The following TENM2 variants were observed in gnomAD, a reference collection of about 807,000 sequenced individuals.
TENM2 encodes the protein teneurin transmembrane protein 2.
A neutral mutation model predicts 245.2 loss-of-function variants in TENM2; 52 were observed. The ratio of observed to expected loss-of-function variants is 0.21; its 90% CI spans 0.17 to 0.27. TENM2 has a LOEUF of 0.27. Ranked by LOEUF, TENM2 falls within the 10% of genes least tolerant of loss-of-function variation. TENM2 has a pLI of 1.00. For missense variants in TENM2, 3,046 were observed against 3,666.8 expected, an observed-to-expected ratio of 0.83 and a Z score of 4.37; for synonymous variants, 1,363 against 1,438.9, an observed-to-expected ratio of 0.95 and a Z score of 1.19.
the TENM2 span, among the ~76,000 whole-genome samples, chr5:167,151,332 G>T: frequency 6.6e-6 from 1 of 152,074 alleles, no homozygotes; most frequent in Non-Finnish European, 1.5e-5. Flanking sequence ...GACATACCAA[G>T]AGAGAAATCA....
chr5:167,280,754 C>CTGTA (rs1770999408), upstream of TENM2, among the ~76,000 whole-genome samples: 2 of 131,134 alleles, frequency 1.5e-5, no homozygotes, highest in Non-Finnish European at 3.2e-5. Context: ...GTCTATCTGT[C>CTGTA]TGTCTATCTA....
At chr5:167,457,362 C>T (rs560955057) in intron 2 of TENM2, among the ~76,000 whole-genome samples, 1 of 143,022 alleles carries the variant, frequency 7.0e-6, no homozygotes, top group Admixed American at 7.1e-5. Flanking sequence ...TAGACAGTTT[C>T]GCTCTTGTTG....
Position 168,181,254 on chromosome 5 carries a change from G to A in TENM2, c.2570-9083G>A, listed in dbSNP as rs540897324. The stretch of plus-strand genomic sequence containing the variant: ...TGTTTTTGGTTTTTGTCCATTAGTT[G>A]CTGGTGAAGAACCATTTTTTAAAAA... On this transcript the variant is annotated intron_variant, in intron 13 of 28. Coordinates refer to ENST00000518659, the Ensembl canonical transcript of TENM2. Among the ~76,000 whole-genome samples the A allele has an allele frequency of 2.6e-5, 4 of 152,342 alleles. No individual in the cohort carries two copies. The South Asian group carries it at 8.3e-4, about 32-fold the overall frequency.
chr5:167,173,500 C>T, the TENM2 span, among the ~76,000 whole-genome samples: 1 of 152,120 alleles, frequency 6.6e-6, no homozygotes. Context: ...CTTATAATGT[C>T]TTTGTAAAAA....
chr5:167,803,783 C>T (rs1765951703), intron 2 of TENM2, among the ~76,000 whole-genome samples: 2 of 151,952 alleles, frequency 1.3e-5, no homozygotes, highest in South Asian at 4.1e-4. Context: ...ACCAAAATTT[C>T]ACTTATGGTA....
chr5:167,310,539 A>G (rs1404601822), intron 1 of TENM2, among the ~76,000 whole-genome samples: 3 of 152,238 alleles, frequency 2.0e-5, no homozygotes. Context: ...AACTTAATAA[A>G]TACATGAATT....
chr5:167,969,386 C>A (rs1039226835), intron 4 of TENM2, among the ~76,000 whole-genome samples: 2 of 152,158 alleles, frequency 1.3e-5, no homozygotes, highest in Non-Finnish European at 2.9e-5. Flanking sequence ...GTGACTTGCT[C>A]CTCCTTGCCT....
At chr5:167,825,038 A>C (rs1767844952) in intron 2 of TENM2, among the ~76,000 whole-genome samples, 1 of 151,810 alleles carries the variant, frequency 6.6e-6, no homozygotes, top group Admixed American at 6.6e-5. Flanking sequence ...TTTGGAGACA[A>C]ATTTTCAAGC....
the TENM2 span, among the ~76,000 whole-genome samples, chr5:166,981,097 A>T: frequency 6.6e-6 from 1 of 152,224 alleles, no homozygotes; most frequent in Admixed American, 6.5e-5. Flanking sequence ...TTATGTAGAA[A>T]AAAACCTACT....
At chr5:167,429,455 T>G (rs1163704315) in intron 2 of TENM2, among the ~76,000 whole-genome samples, 3 of 152,068 alleles carry the variant, frequency 2.0e-5, no homozygotes, top group Non-Finnish European at 2.9e-5. Context: ...CCTGTGTTCA[T>G]GGAATGTAAT....
intron 2 of TENM2, among the ~76,000 whole-genome samples, chr5:167,627,230 G>A (rs1371654339): frequency 3.3e-5 from 5 of 152,008 alleles, no homozygotes; most frequent in African/African-American, 7.2e-5. Flanking sequence ...TAGTAAGTAA[G>A]GCTTGTTAAA....
the TENM2 span, among the ~76,000 whole-genome samples, chr5:167,197,637 C>T: frequency 3.3e-5 from 5 of 152,134 alleles, no homozygotes; most frequent in East Asian, 1.9e-4. Flanking sequence ...ACTTCTCTGG[C>T]AACAAAATTG....
At chr5:167,720,234 T>C (rs1001752506) in intron 2 of TENM2, among the ~76,000 whole-genome samples, 3 of 152,176 alleles carry the variant, frequency 2.0e-5, no homozygotes, top group African/African-American at 7.2e-5. Flanking sequence ...ACTAATTACC[T>C]ACTTGAAAAA....
chr5:167,983,159 A>G (rs1782968112), intron 4 of TENM2, among the ~76,000 whole-genome samples: 1 of 149,066 alleles, frequency 6.7e-6, no homozygotes, highest in African/African-American at 2.5e-5. Context: ...CAAGTTAACA[A>G]CTCCAGAGGG....
At chr5:168,075,362 A>T (rs1179958333) in intron 7 of TENM2, among the ~76,000 whole-genome samples, 3 of 151,994 alleles carry the variant, frequency 2.0e-5, no homozygotes, top group African/African-American at 7.3e-5. Context: ...CTGGTTCCAT[A>T]TTTTTGCAAT....
At chr5:167,766,731 T>G (rs1763049802) in intron 2 of TENM2, among the ~76,000 whole-genome samples, 1 of 151,774 alleles carries the variant, frequency 6.6e-6, no homozygotes, top group East Asian at 1.9e-4. Context: ...ACAAAAAAAT[T>G]AACTGGGTGT....
chr5:167,982,124 C>A (rs1223351957), intron 4 of TENM2, among the ~76,000 whole-genome samples: 1 of 152,206 alleles, frequency 6.6e-6, no homozygotes, highest in East Asian at 1.9e-4. Flanking sequence ...GTCTTTCCCA[C>A]CCCAGGGACT....
At chr5:167,761,914 G>A (rs760685658) in intron 2 of TENM2, among the ~76,000 whole-genome samples, 6 of 152,118 alleles carry the variant, frequency 3.9e-5, no homozygotes, top group East Asian at 1.9e-4. Context: ...CAGCAATATC[G>A]CTGATTGAAA....
chr5:167,935,812 T>C (rs139532789), intron 3 of TENM2, among the ~76,000 whole-genome samples: 1 of 152,218 alleles, frequency 6.6e-6, no homozygotes, highest in East Asian at 1.9e-4. Flanking sequence ...TGGCATCCCC[T>C]CCATTCCTAA....
Sources: allele counts gnomAD v4.1 joint callset (sites outside exome capture counted in the v4.1 genomes callset), GRCh38; gene constraint gnomAD v4.1.1; transcripts MANE v1.5; gene names NCBI Gene and HGNC (gene_info 2026-07-23, HGNC 2026-07-21).